The following UACA variants were observed in gnomAD, a reference collection of about 807,000 sequenced individuals.
The protein encoded by UACA is uveal autoantigen with coiled-coil domains and ankyrin repeats.
Under a neutral mutation model 160.5 loss-of-function variants are expected in UACA, and 112 were observed. The ratio of observed to expected loss-of-function variants is 0.70; its 90% CI spans 0.60 to 0.82. UACA has a LOEUF of 0.82. UACA is among the 40% of genes least tolerant of loss of function. The probability of loss-of-function intolerance (pLI) is 0.00; values close to 1 mark genes in which losing one functional copy is unlikely to be tolerated. For missense variants in UACA, 1,574 were observed against 1,614.6 expected (o/e 0.97, Z 0.43); for synonymous variants, 557 against 568.4 (o/e 0.98, Z 0.29).
At chr15:70,713,072 C>G (rs1304016736) in intron 1 of UACA, among the ~76,000 whole-genome samples, 1 of 152,152 alleles carries the variant, frequency 6.6e-6, no homozygotes, top group African/African-American at 2.4e-5. Context: ...GAGCCGGGCG[C>G]AGTGGCTCAC....
chr15:70,688,171 C>T (rs1428990177), intron 5 of UACA, among the ~76,000 whole-genome samples: 1 of 152,010 alleles, frequency 6.6e-6, no homozygotes, highest in Non-Finnish European at 1.5e-5. Flanking sequence ...GAAGTGTTGG[C>T]TCAGTTTTTT....
intron 1 of UACA, among the ~76,000 whole-genome samples, chr15:70,737,602 G>A (rs1899408096): frequency 2.0e-5 from 3 of 152,134 alleles, no homozygotes; most frequent in East Asian, 3.9e-4. Context: ...CAGCTACTCG[G>A]AAGGCTGAGG....
rs537473040 is a variant in UACA at position 70,702,408 on chromosome 15, T to C, written c.79-2748A>G. 122 of 684,454 alleles carry C rather than the reference T, an allele frequency of 1.8e-4. No individual in the cohort carries two copies. In the East Asian group the frequency reaches 2.0e-3, roughly 11 times the overall value. 42.4% of individuals were successfully genotyped at this position (684,454 alleles called of 1,614,324 possible). A position where few individuals can be genotyped will look rare whatever the true frequency, so the allele number is the denominator to read the frequency against. On this transcript the variant is annotated intron_variant, in intron 1 of 18. Transcript: ENST00000322954. ...TCCATAGGACTTGACAGCTGAATGA[T>C]AGAAAGGAGCAGCTAAGAATATATT...
At chr15:70,749,178 A>C (rs1595922745) in intron 1 of UACA, 1 of 435,382 alleles carries the variant, frequency 2.3e-6, no homozygotes. Context: ...ATCCTAGTTC[A>C]TTGTGCTATT....
rs547776848 is a variant in UACA at position 70,664,769 on chromosome 15, T to C, written c.4006A>G (p.Asn1336Asp). Residue 1336 changes from asparagine (N) to aspartate (D), a missense_variant, in exon 17 of 19, where the codon AAT (asparagine) becomes GAT (aspartate). Physicochemically the swap from Asn to Asp is conservative, Grantham distance 23 (BLOSUM62 1). Coordinates refer to ENST00000322954, the MANE Select transcript of UACA (RefSeq NM_018003.4). The part of the protein sequence containing the change: ...NDVERLKQAL[N>D]GLSQLTYTSG... ...GTGTAGGTGAGTTGGGAAAGGCCAT[T>C]GAGTGCCTGTTTTAATCTTTCCACA... 162 of 1,613,634 alleles carry C rather than the reference T, an allele frequency of 1.0e-4. 2 individuals carry two copies. In the South Asian group the frequency reaches 1.6e-3, roughly 16 times the overall value.
intron 3 of UACA, among the ~76,000 whole-genome samples, chr15:70,693,173 G>GTAC (rs1898000597): frequency 6.6e-6 from 1 of 152,206 alleles, no homozygotes; most frequent in Admixed American, 6.5e-5. Context: ...AGTGGCAACA[G>GTAC]TACCTGGTGT....
At chr15:70,758,613 A>G (rs2030566374) in intron 1 of UACA, 1 of 152,230 alleles carries the variant, frequency 6.6e-6, no homozygotes, top group Non-Finnish European at 1.5e-5. Flanking sequence ...TATGCTTTCT[A>G]AACATCTCAA....
At chr15:70,699,450 C>A in intron 2 of UACA, 77 bp downstream of exon 2, 1 of 1,512,654 alleles carries the variant, frequency 6.6e-7, no homozygotes, top group Non-Finnish European at 9.0e-7. Context: ...TTGATAACTA[C>A]AATTCACAAG....
chr15:70,763,551 A>C lies in UACA; in HGVS notation c.-144T>G. ...GCCACCTGCGGGCCCCGGGCAGCAG[A>C]CGTCGACAGGCCTGAGGCGGGGCTC... On this transcript the variant is annotated 5_prime_UTR_variant, in exon 1 of 19. Transcript: ENST00000322954. 1 of 1,243,028 alleles carries C rather than the reference A, an allele frequency of 8.0e-7. No individual in the cohort carries two copies. Among genetic ancestry groups the C allele is most frequent in the Non-Finnish European group, 1.0e-6 (1 of 990,714 alleles). 77.0% of individuals were successfully genotyped at this position (1,243,028 alleles called of 1,614,324 possible).
chr15:70,701,721 G>A (rs1898370768), intron 1 of UACA, among the ~76,000 whole-genome samples: 1 of 152,116 alleles, frequency 6.6e-6, no homozygotes, highest in Non-Finnish European at 1.5e-5. Flanking sequence ...AAGAACTTTT[G>A]TTTACTATTA....
chr15:70,691,469 C>T lies in UACA; in HGVS notation c.302-106G>A, dbSNP rs1208046545. The T allele has an allele frequency of 4.0e-6, 3 of 750,708 alleles. No homozygotes were observed. The Admixed American group carries it at 7.5e-5, about 19-fold the overall frequency. 46.5% of individuals were successfully genotyped at this position (750,708 alleles called of 1,614,324 possible). ...TTTCCCAAAACTAGTTGACAACATA[C>T]TTAATCTGTAAGTATACTTTCAGTT... On this transcript the variant is annotated intron_variant, in intron 3 of 18. Transcript: ENST00000322954.
intron 1 of UACA, among the ~76,000 whole-genome samples, chr15:70,710,849 C>CTG (rs1307348192): frequency 6.6e-6 from 1 of 152,228 alleles, no homozygotes; most frequent in Admixed American, 6.5e-5. Context: ...TCTCTGAACC[C>CTG]TGTCCTTTTG....
At chr15:70,759,606 G>A (rs754119000) in intron 1 of UACA, among the ~76,000 whole-genome samples, 5 of 152,312 alleles carry the variant, frequency 3.3e-5, no homozygotes, top group Admixed American at 3.3e-4. Flanking sequence ...AGTGAGCCGA[G>A]ATCACGTCAT....
chr15:70,710,035 A>G (rs992855243), intron 1 of UACA, among the ~76,000 whole-genome samples: 1 of 152,108 alleles, frequency 6.6e-6, no homozygotes, highest in Non-Finnish European at 1.5e-5. Flanking sequence ...GCACTTTGGG[A>G]TCACTTGAGC....
Position 70,712,578 on chromosome 15 carries a change from T to C in UACA, c.79-12918A>G, listed in dbSNP as rs1898715573. 2.6e-5 allele frequency among the ~76,000 whole-genome samples: 4 copies of C among 152,194 alleles called. No individual in the cohort carries two copies. In the South Asian group the frequency reaches 8.3e-4, roughly 32 times the overall value. ...TGCTTGTAGGATAAATACAAAGCTC[T>C]TTAATGGAGTCCAAAACTCCCTGCA... On this transcript the variant is annotated intron_variant, in intron 1 of 18. Transcript: ENST00000322954.
At position 70,671,197 on chromosome 15, in the gene UACA, A is replaced by G. The variant is rs531183935; in HGVS notation, c.1169-106T>C. ...TTTATTATTCAAATAAAAGAGAAGC[A>G]AGAGGTACAACACAAAAGTATCCTC... On this transcript the variant is annotated intron_variant, in intron 14 of 18. Coordinates refer to ENST00000322954, the MANE Select transcript of UACA (RefSeq NM_018003.4). The G allele has an allele frequency of 3.8e-6, 3 of 783,584 alleles. No homozygotes were observed. The East Asian group carries it at 8.1e-5, about 21-fold the overall frequency. The allele number at this position is 783,584 out of a possible 1,614,324, so 48.5% of individuals were successfully genotyped here.
intron 3 of UACA, among the ~76,000 whole-genome samples, chr15:70,691,914 A>G (rs767686673): frequency 6.6e-6 from 1 of 152,226 alleles, no homozygotes; most frequent in Non-Finnish European, 1.5e-5. Context: ...TATAATTTGT[A>G]TAAAATGTGC....
At chr15:70,753,961 A>G in intron 1 of UACA, 1 of 368,132 alleles carries the variant, frequency 2.7e-6, no homozygotes, top group Non-Finnish European at 5.4e-6. Context: ...GCCCACCACC[A>G]TGCCTGGCTA....
rs763293792 is a variant in UACA at position 70,687,593 on chromosome 15, A to T, written c.549T>A (p.Cys183Ter). The change falls in exon 7 of 19, where the codon TGT becomes TGA. Residue 183 changes from cysteine (C) to a stop codon, truncating the protein, a stop_gained. Transcript: ENST00000322954. LOFTEE classifies it high-confidence loss of function. ...LATQMSRPTICQLLIDRGADV... is the reference protein window; with the variant it reads ...LATQMSRPTI ...CCGCTCCTCTATCTATCAGCAGTTGACATATTGTTGGCCTACTCATCTGAG... is the reference window on the plus strand; with the variant it reads ...CCGCTCCTCTATCTATCAGCAGTTGTCATATTGTTGGCCTACTCATCTGAG... 1 of 1,613,830 alleles carries T rather than the reference A, an allele frequency of 6.2e-7. No individual in the cohort carries two copies. The highest frequency in any genetic ancestry group is 1.3e-5 in the African/African-American group (1 of 74,910).
Sources: gnomAD v4.1 joint callset for allele counts (sites outside exome capture counted in the v4.1 genomes callset) on GRCh38, gnomAD v4.1.1 for gene constraint, MANE v1.5 for transcripts, NCBI Gene and HGNC (gene_info 2026-07-23, HGNC 2026-07-21) for gene names.